Variants in NCOA5 observed in about 807,000 individuals in gnomAD.
NCOA5 encodes nuclear receptor coactivator 5.
A neutral mutation model predicts 59.0 loss-of-function variants in NCOA5; 12 were observed. The ratio of observed to expected loss-of-function variants is 0.20; its 90% CI spans 0.13 to 0.33. The LOEUF (loss-of-function observed/expected upper bound fraction) is 0.33, where lower values mean the gene tolerates loss of function less well. NCOA5 is among the 10% of genes least tolerant of loss of function. The pLI is 1.00. For synonymous variants in NCOA5, 270 were observed against 275.5 expected, an observed-to-expected ratio of 0.98 and a Z score of 0.20; for missense variants, 655 against 766.6, an observed-to-expected ratio of 0.85 and a Z score of 1.72.
chr20:46,079,491 G>A, intron 1 of NCOA5, 38 bp from the exon 2 acceptor site: 1 of 1,493,422 alleles, frequency 6.7e-7, no homozygotes, highest in Non-Finnish European at 9.3e-7. Flanking sequence ...CAATGCTACG[G>A]AATAAAAACA....
chr20:46,069,478 G>A (rs908075570), intron 3 of NCOA5, among the ~76,000 whole-genome samples: 3 of 152,182 alleles, frequency 2.0e-5, no homozygotes, highest in African/African-American at 7.2e-5. Flanking sequence ...GCTTACACCT[G>A]TAATCTCAGC....
chr20:46,079,275 C>T, intron 2 of NCOA5, 112 bp downstream of exon 2: 1 of 995,462 alleles, frequency 1.0e-6, no homozygotes, highest in Non-Finnish European at 1.6e-6. Context: ...TTATTGTTTG[C>T]TTGAGCGTTT....
At chr20:46,069,875 G>A (rs1180194248) in intron 3 of NCOA5, among the ~76,000 whole-genome samples, 1 of 152,118 alleles carries the variant, frequency 6.6e-6, no homozygotes, top group Non-Finnish European at 1.5e-5. Context: ...ACTCAGGAGC[G>A]GAACTGATAG....
Position 46,075,289 on chromosome 20 carries a change from G to A in NCOA5, c.38+4098C>T, listed in dbSNP as rs980909128. ...TTTCTTATTGGTAGAGGTGGCAGCT[G>A]CTGAGAACTGATGACTTCTTCAAGT... On this transcript the variant is annotated intron_variant, in intron 2 of 7. Transcript: ENST00000290231. Among the ~76,000 whole-genome samples, 9 of 152,332 alleles carry A rather than the reference G, an allele frequency of 5.9e-5. No individual in the cohort carries two copies. The East Asian group carries it at 1.5e-3, about 26-fold the overall frequency.
At chr20:46,087,619 C>T (rs928047462) in intron 1 of NCOA5, among the ~76,000 whole-genome samples, 3 of 152,130 alleles carry the variant, frequency 2.0e-5, no homozygotes, top group Admixed American at 6.5e-5. Context: ...ATTAGCCGGG[C>T]GTGGTGGCGC....
At chr20:46,067,300 A>C (rs370025323) in intron 4 of NCOA5, 119 bp from the exon 5 acceptor site, 38 of 1,173,716 alleles carry the variant, frequency 3.2e-5, no homozygotes, top group Middle Eastern at 2.1e-4. Flanking sequence ...TCTCCTAAAA[A>C]CAGCCAGTAT....
At chr20:46,068,925 A>G (rs1270463688) in intron 3 of NCOA5, among the ~76,000 whole-genome samples, 1 of 152,224 alleles carries the variant, frequency 6.6e-6, no homozygotes, top group Non-Finnish European at 1.5e-5. Context: ...AATTATATCT[A>G]AACGCATATA....
At chr20:46,065,335 C>A in intron 5 of NCOA5, 107 bp from the exon 6 acceptor site, 1 of 1,017,350 alleles carries the variant, frequency 9.8e-7, no homozygotes, top group South Asian at 1.4e-5. Flanking sequence ...TTAGTCTACC[C>A]CAGTACCGTA....
intron 4 of NCOA5, 37 bp from the exon 5 acceptor site, chr20:46,067,218 T>A (rs1415855080): frequency 1.3e-6 from 2 of 1,591,814 alleles, no homozygotes; most frequent in Admixed American, 1.8e-5. Flanking sequence ...AAATAAGGAC[T>A]GGACCCTCAT....
chr20:46,064,521 A>G (rs1257668854), intron 6 of NCOA5, among the ~76,000 whole-genome samples: 1 of 152,202 alleles, frequency 6.6e-6, no homozygotes, highest in Non-Finnish European at 1.5e-5. Flanking sequence ...CACACTTACA[A>G]AAAGGACCCT....
At chr20:46,078,563 CA>C (rs1293079359) in intron 2 of NCOA5, among the ~76,000 whole-genome samples, 1 of 144,924 alleles carries the variant, frequency 6.9e-6, no homozygotes, top group African/African-American at 2.9e-5. Context: ...CTTGAAGAGA[CA>C]CCAGATATGA....
chr20:46,072,843 C>T (rs189571465), intron 2 of NCOA5, among the ~76,000 whole-genome samples: 16 of 152,222 alleles, frequency 1.1e-4, no homozygotes, highest in Admixed American at 3.3e-4. Context: ...TACTTAATGT[C>T]TGTCTGCCCT....
chr20:46,085,291 T>G (rs2085034496), intron 1 of NCOA5, among the ~76,000 whole-genome samples: 6 of 151,710 alleles, frequency 4.0e-5, no homozygotes, highest in Non-Finnish European at 7.4e-5. Context: ...CCCCGCAAAG[T>G]GTTGGGATTA....
At chr20:46,082,798 C>A (rs2145552507) in intron 1 of NCOA5, among the ~76,000 whole-genome samples, 1 of 152,180 alleles carries the variant, frequency 6.6e-6, no homozygotes, top group East Asian at 1.9e-4. Flanking sequence ...AGGAAAAGAA[C>A]TGGAAAATAA....
chr20:46,083,215 G>A lies in NCOA5; in HGVS notation c.-29-3762C>T, dbSNP rs139822611. ...AACCAAATTCATGATGAAGTTCCAC[G>A]CTATCAAGCCAAGACAAAGATCTTT... On this transcript the variant is annotated intron_variant, in intron 1 of 7. Transcript: ENST00000290231. 3.6e-3 allele frequency among the ~76,000 whole-genome samples: 554 copies of A among 152,252 alleles called. No homozygotes were observed. In the Middle Eastern group the frequency reaches 0.037, roughly 10 times the overall value.
At position 46,062,634 on chromosome 20, in the gene NCOA5, G is replaced by C; in HGVS notation, c.1406C>G (p.Ala469Gly). 1 of 1,614,208 alleles carries C rather than the reference G, an allele frequency of 6.2e-7. No individual in the cohort carries two copies. The highest frequency in any genetic ancestry group is 8.5e-7 in the Non-Finnish European group (1 of 1,180,042). The change falls in exon 8 of 8, where the codon GCA (alanine) becomes GGA (glycine). Residue 469 changes from alanine (A) to glycine (G), a missense_variant. By Grantham distance (60) the Ala-to-Gly change is moderately conservative. This residue lies in a region of NCOA5 where 325 missense variants were observed against 353.2 expected (regional missense o/e 0.92). Transcript: ENST00000290231. ...TGATCTTTGTTGAGGCTGGCTGTTT[G>C]CTGCTGTGGAAAAATTCTGGTTTGG... Reference protein sequence around the residue: ...NTPNQNFSTAANSQPQQRSQA... With the variant: ...NTPNQNFSTAGNSQPQQRSQA...
chr20:46,061,369 T>C lies in NCOA5; in HGVS notation c.*931A>G, dbSNP rs1324326382. On this transcript the variant is annotated 3_prime_UTR_variant, in exon 8 of 8. Coordinates refer to ENST00000290231, the MANE Select transcript of NCOA5 (RefSeq NM_020967.3). ...CGAGAACATGTCCAGCTACCAGAAG[T>C]CTGACATCAAAGTGGTCCCTACCTC... is the stretch of plus-strand genomic sequence containing the variant. 1 of 152,622 alleles carries C rather than the reference T, an allele frequency of 6.6e-6. No individual in the cohort carries two copies. The highest frequency in any genetic ancestry group is 1.5e-5 in the Non-Finnish European group (1 of 68,038). The allele number at this position is 152,622 out of a possible 1,614,324, so 9.5% of individuals were successfully genotyped here. A position where few individuals can be genotyped will look rare whatever the true frequency, so the allele number is the denominator to read the frequency against.
chr20:46,063,305 G>T (rs1022958164), intron 7 of NCOA5, 55 bp downstream of exon 7: 17 of 1,560,528 alleles, frequency 1.1e-5, no homozygotes, highest in Non-Finnish European at 6.9e-6. Context: ...ACAGAGCCTG[G>T]GGATTAGAGA....
At position 46,062,258 on chromosome 20, in the gene NCOA5, G is replaced by A; in HGVS notation, c.*42C>T. On this transcript the variant is annotated 3_prime_UTR_variant, in exon 8 of 8. Transcript: ENST00000290231. The stretch of plus-strand genomic sequence containing the variant: ...ATTTAGAACAAGTAAGTGGGAGGAG[G>A]CCAGGGGATGAGGGGACTGGGGAGA... 1.3e-6 allele frequency: 2 copies of A among 1,499,380 alleles called. No individual in the cohort carries two copies. The highest frequency in any genetic ancestry group is 2.3e-5 in the East Asian group (1 of 43,944). 92.9% of individuals were successfully genotyped at this position (1,499,380 alleles called of 1,614,324 possible).
Sources: gnomAD v4.1 joint callset for allele counts (sites outside exome capture counted in the v4.1 genomes callset) on GRCh38, gnomAD v4.1.1 for gene constraint, gnomAD v4.1.1 regional missense constraint, MANE v1.5 for transcripts, NCBI Gene and HGNC (gene_info 2026-07-23, HGNC 2026-07-21) for gene names.